The following CDKAL1 variants were observed in gnomAD, a reference collection of about 807,000 sequenced individuals.
CDKAL1 encodes threonylcarbamoyladenosine tRNA methylthiotransferase.
CDKAL1 carries 32 observed loss-of-function variants against 68.2 expected under a neutral mutation model. The observed-to-expected ratio is 0.47, with a 90% CI of 0.35 to 0.63. CDKAL1 has a LOEUF of 0.63. CDKAL1 is among the 30% of genes least tolerant of loss of function. The pLI is 0.00. For synonymous variants in CDKAL1, 234 were observed against 244.3 expected, an observed-to-expected ratio of 0.96 and a Z score of 0.39; for missense variants, 606 against 696.7, an observed-to-expected ratio of 0.87 and a Z score of 1.47.
intron 15 of CDKAL1, among the ~76,000 whole-genome samples, chr6:21,210,673 G>A (rs537377872): frequency 9.2e-5 from 14 of 152,320 alleles, no homozygotes; most frequent in South Asian, 4.1e-4. Flanking sequence ...ATTGGTTGGC[G>A]TTAGATCATA....
chr6:21,123,105 A>T (rs1342529176), intron 13 of CDKAL1, among the ~76,000 whole-genome samples: 1 of 152,146 alleles, frequency 6.6e-6, no homozygotes, highest in African/African-American at 2.4e-5. Flanking sequence ...TTCTCCACAG[A>T]TAGCCCAGGT....
intron 9 of CDKAL1, among the ~76,000 whole-genome samples, chr6:20,884,969 G>GA (rs997798053): frequency 8.7e-5 from 12 of 138,678 alleles, no homozygotes; most frequent in Middle Eastern, 3.6e-3. Context: ...TCTTAAAAAA[G>GA]AAAAAAAAAA....
At chr6:20,899,849 AC>A (rs1179630860) in intron 9 of CDKAL1, among the ~76,000 whole-genome samples, 1 of 152,198 alleles carries the variant, frequency 6.6e-6, no homozygotes, top group African/African-American at 2.4e-5. Context: ...TCTCAAAAAA[AC>A]ATTTAAAAAA....
chr6:20,593,825 T>C (rs1765700638), intron 4 of CDKAL1, among the ~76,000 whole-genome samples: 1 of 152,224 alleles, frequency 6.6e-6, no homozygotes, highest in Admixed American at 6.5e-5. Context: ...GTGCTATAAA[T>C]TTCCCTCCAA....
At chr6:20,757,085 A>T (rs1774249205) in intron 6 of CDKAL1, among the ~76,000 whole-genome samples, 1 of 151,758 alleles carries the variant, frequency 6.6e-6, no homozygotes. Context: ...GGCATGCACC[A>T]CTACACCTGG....
At chr6:21,110,896 G>A (rs994899083) in intron 13 of CDKAL1, among the ~76,000 whole-genome samples, 2 of 152,152 alleles carry the variant, frequency 1.3e-5, no homozygotes, top group Admixed American at 6.5e-5. Flanking sequence ...CTTGAGCCCC[G>A]GATTTCAAGT....
intron 12 of CDKAL1, among the ~76,000 whole-genome samples, chr6:21,071,502 A>C (rs1231545814): frequency 1.3e-5 from 2 of 152,232 alleles, no homozygotes; most frequent in African/African-American, 4.8e-5. Context: ...GTGTGAAAAC[A>C]GACTAATACA....
At position 20,791,697 on chromosome 6, in the gene CDKAL1, G is replaced by C. The variant is rs184797438; in HGVS notation, c.638+10432G>C. ...GCTGTGTATCTATGTTGTATTGTCA[G>C]ATGACTCCTAAGATGCATCCATTTT... On this transcript the variant is annotated intron_variant, in intron 8 of 15. Coordinates refer to ENST00000274695, the MANE Select transcript of CDKAL1 (RefSeq NM_017774.3). 1.9e-3 allele frequency among the ~76,000 whole-genome samples: 282 copies of C among 152,286 alleles called. 1 individual carries two copies. The highest frequency in any genetic ancestry group is 6.2e-3 in the African/African-American group (258 of 41,560).
intron 9 of CDKAL1, among the ~76,000 whole-genome samples, chr6:20,899,361 C>T (rs558891770): frequency 2.6e-5 from 4 of 152,124 alleles, no homozygotes; most frequent in Non-Finnish European, 4.4e-5. Flanking sequence ...CTGCGCCCGG[C>T]CCTCTAATTC....
chr6:20,617,313 G>A (rs1276969851), intron 4 of CDKAL1, among the ~76,000 whole-genome samples: 5 of 152,166 alleles, frequency 3.3e-5, no homozygotes, highest in African/African-American at 1.2e-4. Flanking sequence ...CAGTCTGTGT[G>A]TAGGCCCTAT....
chr6:20,838,738 T>C (rs6456377), intron 8 of CDKAL1, among the ~76,000 whole-genome samples: 145,857 of 152,138 alleles, frequency 0.96, 69,931 homozygotes, highest in East Asian at 1. Flanking sequence ...TTTGGAAGGC[T>C]GAGGTGGGCA....
intron 11 of CDKAL1, among the ~76,000 whole-genome samples, chr6:21,060,361 T>C (rs1370685121): frequency 6.6e-6 from 1 of 152,156 alleles, no homozygotes; most frequent in Non-Finnish European, 1.5e-5. Flanking sequence ...TTGTATCCTT[T>C]TACTGTTGGT....
At chr6:20,936,917 G>T (rs1243809037) in intron 9 of CDKAL1, among the ~76,000 whole-genome samples, 2 of 152,178 alleles carry the variant, frequency 1.3e-5, no homozygotes, top group Non-Finnish European at 2.9e-5. Context: ...CCTAGAGTCT[G>T]TTGGTTACCA....
chr6:20,707,311 G>A (rs1771645846), intron 5 of CDKAL1, among the ~76,000 whole-genome samples: 1 of 152,192 alleles, frequency 6.6e-6, no homozygotes, highest in Non-Finnish European at 1.5e-5. Flanking sequence ...CATTAATCCA[G>A]TAGCACAGAA....
At chr6:20,601,172 A>G (rs1166220654) in intron 4 of CDKAL1, among the ~76,000 whole-genome samples, 4 of 152,114 alleles carry the variant, frequency 2.6e-5, no homozygotes, top group Non-Finnish European at 4.4e-5. Flanking sequence ...CTTGTACATG[A>G]TTATAAAAGT....
chr6:20,869,202 A>G (rs1240917454), intron 9 of CDKAL1, among the ~76,000 whole-genome samples: 2 of 152,220 alleles, frequency 1.3e-5, no homozygotes, highest in African/African-American at 2.4e-5. Flanking sequence ...TGTGAGATAT[A>G]TTAAAACAAA....
intron 9 of CDKAL1, among the ~76,000 whole-genome samples, chr6:20,866,197 G>A (rs867502321): frequency 6.6e-6 from 1 of 152,132 alleles, no homozygotes; most frequent in Non-Finnish European, 1.5e-5. Context: ...AAACAGCAGG[G>A]TTTCTCTAGT....
rs568609582 is a variant in CDKAL1, at chr6:20,940,862, G to A, written c.743-14557G>A. On this transcript the variant is annotated intron_variant, in intron 9 of 15. Coordinates refer to ENST00000274695, the MANE Select transcript of CDKAL1 (RefSeq NM_017774.3). ...TCCCAGCACTTTGAGAGGCCAAGGC[G>A]GGCAGATCACGAGGTCAGGAGATCA... 3.9e-5 allele frequency among the ~76,000 whole-genome samples: 6 copies of A among 152,214 alleles called. No individual in the cohort carries two copies. The South Asian group carries it at 8.3e-4, about 21-fold the overall frequency.
intron 13 of CDKAL1, among the ~76,000 whole-genome samples, chr6:21,133,304 T>C (rs1340338919): frequency 6.6e-6 from 1 of 152,230 alleles, no homozygotes; most frequent in Non-Finnish European, 1.5e-5. Flanking sequence ...ATTAAAATAA[T>C]TAAACAGCTT....
Sources: allele counts gnomAD v4.1 joint callset (sites outside exome capture counted in the v4.1 genomes callset), GRCh38; gene constraint gnomAD v4.1.1; transcripts MANE v1.5; gene names NCBI Gene and HGNC (gene_info 2026-07-23, HGNC 2026-07-21).